The following SORCS1 variants were observed in gnomAD, a reference collection of about 807,000 sequenced individuals.
SORCS1 encodes the protein VPS10 domain-containing receptor SorCS1.
SORCS1 carries 60 observed loss-of-function variants against 146.1 expected under a neutral mutation model. That is an observed-to-expected ratio of 0.41 (90% CI 0.33 to 0.51). The LOEUF is 0.51. SORCS1 is among the 20% of genes least tolerant of loss of function. The pLI is 0.21. For synonymous variants in SORCS1, 637 were observed against 584.0 expected, an observed-to-expected ratio of 1.09 and a Z score of -1.31; for missense variants, 1,352 against 1,487.6, an observed-to-expected ratio of 0.91 and a Z score of 1.50.
chr10:107,042,974 A>C (rs1959182168), intron 1 of SORCS1, among the ~76,000 whole-genome samples: 1 of 152,158 alleles, frequency 6.6e-6, no homozygotes, highest in African/African-American at 2.4e-5. Context: ...CCCAAGAATA[A>C]ATTTATTTGT....
At chr10:106,790,992 A>G (rs1266050214) in intron 3 of SORCS1, among the ~76,000 whole-genome samples, 1 of 152,254 alleles carries the variant, frequency 6.6e-6, no homozygotes, top group Non-Finnish European at 1.5e-5. Context: ...ATCACTATGC[A>G]GAGATTATTG....
rs925121201 is a variant in SORCS1 at position 106,830,041 on chromosome 10, G to A, written c.627-368C>T. Among the ~76,000 whole-genome samples the A allele has an allele frequency of 1.4e-4, 21 of 152,280 alleles. 2 individuals carry two copies. Among genetic ancestry groups the A allele is most frequent in the Admixed American group, 9.8e-4 (15 of 15,288 alleles). ...CTTTTACTTTATGTTTGGCCCAGTA[G>A]AAAAGCAGGTTCTCCTGATTTATCA... On this transcript the variant is annotated intron_variant, in intron 2 of 25. Transcript: ENST00000263054.
chr10:106,921,678 C>A (rs1028345469), intron 2 of SORCS1, among the ~76,000 whole-genome samples: 2 of 152,172 alleles, frequency 1.3e-5, no homozygotes, highest in Non-Finnish European at 2.9e-5. Context: ...ATGACATCCA[C>A]TGCATTGCTA....
intron 5 of SORCS1, among the ~76,000 whole-genome samples, chr10:106,738,937 T>A (rs1213171424): frequency 6.6e-6 from 1 of 152,146 alleles, no homozygotes; most frequent in East Asian, 1.9e-4. Context: ...ATCTGTCCAC[T>A]TTGGCCTCCC....
chr10:107,045,987 G>T (rs542555468), intron 1 of SORCS1, among the ~76,000 whole-genome samples: 1 of 151,072 alleles, frequency 6.6e-6, no homozygotes, highest in East Asian at 1.9e-4. Flanking sequence ...TTGCTCTGTC[G>T]TCAGGCTGGA....
intron 1 of SORCS1, among the ~76,000 whole-genome samples, chr10:107,055,939 A>C (rs1960590523): frequency 6.6e-6 from 1 of 152,136 alleles, no homozygotes; most frequent in Non-Finnish European, 1.5e-5. Flanking sequence ...ACCTAAGGGG[A>C]TTGCTTTGAG....
At chr10:106,718,730 C>T (rs986148200) in intron 6 of SORCS1, among the ~76,000 whole-genome samples, 11 of 152,168 alleles carry the variant, frequency 7.2e-5, no homozygotes, top group South Asian at 6.2e-4. Flanking sequence ...CTGATTGGTC[C>T]GTTTTTACAG....
At chr10:106,683,056 G>A (rs1852562082) in intron 10 of SORCS1, among the ~76,000 whole-genome samples, 1 of 152,162 alleles carries the variant, frequency 6.6e-6, no homozygotes, top group African/African-American at 2.4e-5. Context: ...GGGATCTGAT[G>A]CAAATGAAAG....
At chr10:106,596,526 G>A (rs1220286612) in intron 24 of SORCS1, among the ~76,000 whole-genome samples, 1 of 152,044 alleles carries the variant, frequency 6.6e-6, no homozygotes, top group African/African-American at 2.4e-5. Context: ...CTTAGAAGGA[G>A]GATCCCCCAT....
intron 1 of SORCS1, among the ~76,000 whole-genome samples, chr10:107,122,918 C>G (rs570782613): frequency 3.3e-5 from 5 of 152,256 alleles, no homozygotes; most frequent in Admixed American, 1.3e-4. Context: ...CAGTATCAGT[C>G]ATTTTGACAA....
chr10:107,143,410 T>C (rs544445752), intron 1 of SORCS1, among the ~76,000 whole-genome samples: 1 of 152,202 alleles, frequency 6.6e-6, no homozygotes, highest in East Asian at 1.9e-4. Flanking sequence ...TTGCTGCAAC[T>C]TACACCTCCA....
chr10:107,076,296 C>A (rs1962875532), intron 1 of SORCS1, among the ~76,000 whole-genome samples: 2 of 152,106 alleles, frequency 1.3e-5, no homozygotes, highest in African/African-American at 4.8e-5. Flanking sequence ...ATGTTAAAGT[C>A]TCCAAAGTCC....
intron 2 of SORCS1, among the ~76,000 whole-genome samples, chr10:106,878,636 A>ATG (rs1950689967): frequency 3.2e-4 from 44 of 136,316 alleles, no homozygotes; most frequent in African/African-American, 8.3e-4. Context: ...ATATATATAT[A>ATG]TATATATATA....
intron 1 of SORCS1, among the ~76,000 whole-genome samples, chr10:107,022,928 G>A (rs1958209953): frequency 6.6e-6 from 1 of 152,170 alleles, no homozygotes; most frequent in South Asian, 2.1e-4. Context: ...CACACTTGAG[G>A]CACTTTTCAA....
At chr10:107,162,004 C>T (rs1338084060) in intron 1 of SORCS1, among the ~76,000 whole-genome samples, 7 of 152,170 alleles carry the variant, frequency 4.6e-5, no homozygotes, top group East Asian at 1.9e-4. Flanking sequence ...TCATTTCCTA[C>T]GTTATCTCAG....
chr10:106,744,542 G>GT (rs1387250118), intron 5 of SORCS1, among the ~76,000 whole-genome samples: 2 of 152,158 alleles, frequency 1.3e-5, no homozygotes, highest in Non-Finnish European at 2.9e-5. Context: ...TACCCACAAA[G>GT]TTTAAGTCCA....
intron 6 of SORCS1, among the ~76,000 whole-genome samples, chr10:106,720,654 T>C (rs1855720001): frequency 6.6e-6 from 1 of 151,840 alleles, no homozygotes. Context: ...GCATGTTATA[T>C]GGAGTGCTGC....
intron 2 of SORCS1, among the ~76,000 whole-genome samples, chr10:106,875,205 C>T (rs1346763075): frequency 6.6e-6 from 1 of 152,170 alleles, no homozygotes; most frequent in African/African-American, 2.4e-5. Context: ...TAAGTGAGAA[C>T]AAACGGTATT....
intron 6 of SORCS1, among the ~76,000 whole-genome samples, chr10:106,720,832 T>C (rs1260800620): frequency 6.6e-6 from 1 of 152,010 alleles, no homozygotes; most frequent in Non-Finnish European, 1.5e-5. Context: ...GCAGAGGAAG[T>C]GGCATATAAT....
Sources: gnomAD v4.1 joint callset for allele counts (sites outside exome capture counted in the v4.1 genomes callset) on GRCh38, gnomAD v4.1.1 for gene constraint, MANE v1.5 for transcripts, NCBI Gene and HGNC (gene_info 2026-07-23, HGNC 2026-07-21) for gene names.